Variants in NEK11 observed in about 807,000 individuals in gnomAD.
NEK11 encodes NIMA related kinase 11.
A neutral mutation model predicts 80.7 loss-of-function variants in NEK11; 72 were observed. That is an observed-to-expected ratio of 0.89 (90% CI 0.74 to 1.08). The LOEUF (loss-of-function observed/expected upper bound fraction) is 1.08, where lower values mean the gene tolerates loss of function less well. Among genes scored for constraint, NEK11 ranks in the 50% least tolerant of loss-of-function variants. The pLI is 0.00. For synonymous variants in NEK11, 251 were observed against 260.7 expected (o/e 0.96, Z 0.36); for missense variants, 764 against 763.6 (o/e 1.00, Z -0.01).
chr3:131,349,467 T>C lies in NEK11; in HGVS notation c.1719-90T>C. On this transcript the variant is annotated intron_variant, in intron 17 of 17. Coordinates refer to ENST00000383366, the MANE Select transcript of NEK11 (RefSeq NM_024800.5). Reference sequence around the variant, plus strand: ...TTTTTTCTAAATCCCAGAATGACAATGTTTGTAAAATCAATGATTTAAAAG... The same window carrying C: ...TTTTTTCTAAATCCCAGAATGACAACGTTTGTAAAATCAATGATTTAAAAG... 2.8e-6 allele frequency: 3 copies of C among 1,088,880 alleles called. No individual in the cohort carries two copies. In the South Asian group the frequency reaches 4.5e-5, roughly 16 times the overall value. 67.5% of individuals were successfully genotyped at this position (1,088,880 alleles called of 1,614,324 possible). A position where few individuals can be genotyped will look rare whatever the true frequency, so the allele number is the denominator to read the frequency against.
At chr3:131,118,330 G>A (rs2081677196) in intron 5 of NEK11, among the ~76,000 whole-genome samples, 1 of 152,178 alleles carries the variant, frequency 6.6e-6, no homozygotes, top group Admixed American at 6.5e-5. Context: ...AAGCCAACTT[G>A]ATCGTGGTGG....
At chr3:131,169,955 T>C (rs370230794) in intron 13 of NEK11, among the ~76,000 whole-genome samples, 1 of 152,250 alleles carries the variant, frequency 6.6e-6, no homozygotes, top group East Asian at 1.9e-4. Context: ...GAAACAATTA[T>C]TATGCGGTAC....
intron 16 of NEK11, among the ~76,000 whole-genome samples, chr3:131,259,519 A>G (rs906056520): frequency 5.9e-5 from 9 of 152,234 alleles, no homozygotes; most frequent in African/African-American, 1.9e-4. Flanking sequence ...TCTCTGACAG[A>G]GTTGAGTAGG....
intron 4 of NEK11, among the ~76,000 whole-genome samples, chr3:131,087,842 T>C (rs1002204591): frequency 6.6e-6 from 1 of 152,162 alleles, no homozygotes; most frequent in South Asian, 2.1e-4. Flanking sequence ...CAAATCCTTT[T>C]CTGTGCTTCA....
intron 14 of NEK11, among the ~76,000 whole-genome samples, chr3:131,203,421 G>C (rs2150403433): frequency 7.3e-6 from 1 of 136,748 alleles, no homozygotes; most frequent in South Asian, 2.6e-4. Flanking sequence ...ACACACTGGG[G>C]CCTGTTGTGG....
chr3:131,310,339 A>G (rs1201264454), intron 17 of NEK11, among the ~76,000 whole-genome samples: 1 of 152,182 alleles, frequency 6.6e-6, no homozygotes, highest in African/African-American at 2.4e-5. Context: ...TCAGGTGCCC[A>G]TAGGTTTGTT....
At chr3:131,315,649 C>G (rs146269502) in intron 17 of NEK11, among the ~76,000 whole-genome samples, 2 of 151,838 alleles carry the variant, frequency 1.3e-5, no homozygotes, top group African/African-American at 2.4e-5. Flanking sequence ...CACAGATCAT[C>G]CCATCATCCA....
chr3:131,028,785 A>T (rs929447104), intron 2 of NEK11, among the ~76,000 whole-genome samples: 2 of 151,676 alleles, frequency 1.3e-5, no homozygotes, highest in African/African-American at 4.8e-5. Context: ...CGATCTCCTG[A>T]CCTCGTGATC....
At chr3:131,041,393 G>A (rs1156672974) in intron 3 of NEK11, among the ~76,000 whole-genome samples, 1 of 152,146 alleles carries the variant, frequency 6.6e-6, no homozygotes, top group Admixed American at 6.5e-5. Flanking sequence ...TATTGAACTT[G>A]CAGGGAGTAA....
intron 14 of NEK11, among the ~76,000 whole-genome samples, chr3:131,184,029 T>C (rs77491800): frequency 0.017 from 2,554 of 152,324 alleles, 68 homozygotes; most frequent in African/African-American, 0.059. Context: ...GCCATCATGA[T>C]GTCATTCGAT....
chr3:131,035,178 C>CTG (rs2065463166), intron 3 of NEK11, among the ~76,000 whole-genome samples: 1 of 152,158 alleles, frequency 6.6e-6, no homozygotes, highest in Non-Finnish European at 1.5e-5. Flanking sequence ...GCTCTTGCCT[C>CTG]CTCAGAGAGC....
chr3:131,071,672 T>A (rs1251992752), intron 3 of NEK11, among the ~76,000 whole-genome samples: 1 of 152,118 alleles, frequency 6.6e-6, no homozygotes, highest in Admixed American at 6.6e-5. Flanking sequence ...TGTTTTAGTT[T>A]TGAAATGTAC....
At chr3:131,038,991 A>G (rs574536284) in intron 3 of NEK11, among the ~76,000 whole-genome samples, 3 of 152,348 alleles carry the variant, frequency 2.0e-5, no homozygotes, top group South Asian at 2.1e-4. Context: ...TAGTAATAAT[A>G]AATGTAATTG....
intron 17 of NEK11, among the ~76,000 whole-genome samples, chr3:131,314,128 A>AGTGTGTGTGTGT (rs1349816331): frequency 7.8e-6 from 1 of 127,548 alleles, no homozygotes; most frequent in African/African-American, 3.6e-5. Context: ...ATGGAGAAAA[A>AGTGTGTGTGTGT]GAGTGTGTGT....
chr3:131,133,335 TA>T, intron 6 of NEK11: 1 of 451,074 alleles, frequency 2.2e-6, no homozygotes, highest in South Asian at 1.6e-5. Flanking sequence ...AAGGAAGGAA[TA>T]AAAGTGTGCA....
intron 4 of NEK11, among the ~76,000 whole-genome samples, chr3:131,082,222 G>T (rs546050693): frequency 6.6e-6 from 1 of 152,138 alleles, no homozygotes; most frequent in South Asian, 2.1e-4. Context: ...TCACCAATTC[G>T]TGCAAAACTA....
intron 3 of NEK11, among the ~76,000 whole-genome samples, chr3:131,030,645 A>C (rs2064705699): frequency 6.6e-6 from 1 of 152,242 alleles, no homozygotes; most frequent in Non-Finnish European, 1.5e-5. Context: ...CAAATTCCGT[A>C]GTCAGAAAGC....
At chr3:131,093,698 G>A (rs1012840017) in intron 4 of NEK11, among the ~76,000 whole-genome samples, 11 of 152,112 alleles carry the variant, frequency 7.2e-5, no homozygotes, top group South Asian at 4.1e-4. Flanking sequence ...GAGCCACTGC[G>A]CTTAGCCCAG....
intron 5 of NEK11, among the ~76,000 whole-genome samples, chr3:131,121,792 G>A (rs2082425386): frequency 6.6e-6 from 1 of 152,182 alleles, no homozygotes; most frequent in Admixed American, 6.5e-5. Flanking sequence ...AGCCATGCAT[G>A]GGATATAATC....
Sources: gnomAD v4.1 joint callset for allele counts (sites outside exome capture counted in the v4.1 genomes callset) on GRCh38, gnomAD v4.1.1 for gene constraint, MANE v1.5 for transcripts, NCBI Gene and HGNC (gene_info 2026-07-23, HGNC 2026-07-21) for gene names.